Variants in ARFIP1 observed in about 807,000 individuals in gnomAD.
ARFIP1 encodes the protein ARF interacting protein 1, also known as arfaptin-1.
A neutral mutation model predicts 42.5 loss-of-function variants in ARFIP1; 24 were observed. The ratio of observed to expected loss-of-function variants is 0.57; its 90% CI spans 0.41 to 0.80. The LOEUF is 0.80. Among genes scored for constraint, ARFIP1 ranks in the 30% least tolerant of loss-of-function variants. The pLI is 0.00. For missense variants in ARFIP1, 354 were observed against 434.0 expected (o/e 0.82, Z 1.64); for synonymous variants, 141 against 153.7 (o/e 0.92, Z 0.61).
intron 1 of ARFIP1, among the ~76,000 whole-genome samples, chr4:152,823,149 T>C (rs947063468): frequency 2.0e-5 from 3 of 152,130 alleles, no homozygotes; most frequent in Non-Finnish European, 2.9e-5. Flanking sequence ...AACTACTCGC[T>C]AGATGAACCA....
At chr4:152,843,951 A>C (rs182486176) in intron 2 of ARFIP1, among the ~76,000 whole-genome samples, 24 of 152,240 alleles carry the variant, frequency 1.6e-4, no homozygotes, top group Admixed American at 3.3e-4. Flanking sequence ...ACCACCGTTC[A>C]AATTGTTACA....
chr4:152,843,845 T>C (rs1578915650), intron 2 of ARFIP1, among the ~76,000 whole-genome samples: 1 of 152,280 alleles, frequency 6.6e-6, no homozygotes, highest in Middle Eastern at 3.4e-3. Flanking sequence ...CTACCCACCT[T>C]CCAGCTGCGA....
chr4:152,854,762 A>C (rs1733287719), intron 2 of ARFIP1, among the ~76,000 whole-genome samples: 1 of 152,192 alleles, frequency 6.6e-6, no homozygotes, highest in African/African-American at 2.4e-5. Flanking sequence ...CAGTGGATTA[A>C]GTGTACAGTT....
chr4:152,782,265 C>T (rs1164286448), intron 1 of ARFIP1, among the ~76,000 whole-genome samples: 1 of 147,774 alleles, frequency 6.8e-6, no homozygotes, highest in African/African-American at 2.6e-5. Flanking sequence ...TGTGTTTTCC[C>T]AAACTGTAAA....
At chr4:152,858,036 A>G (rs1390629993) in intron 2 of ARFIP1, among the ~76,000 whole-genome samples, 2 of 152,220 alleles carry the variant, frequency 1.3e-5, no homozygotes, top group Admixed American at 1.3e-4. Context: ...TCACACCTGC[A>G]ATTCCGCCAC....
Position 152,844,690 on chromosome 4 carries a change from G to A in ARFIP1, c.93+14964G>A, listed in dbSNP as rs72968467. 9.1e-3 allele frequency among the ~76,000 whole-genome samples: 1,389 copies of A among 151,812 alleles called. 15 individuals are homozygous for A. Among genetic ancestry groups the A allele is most frequent in the African/African-American group, 0.03 (1,244 of 41,392 alleles). On this transcript the variant is annotated intron_variant, in intron 2 of 8. Transcript: ENST00000353617. Reference sequence around the variant, plus strand: ...TTAATTATTTCTGTTTGTACCTGCTGTTATTAAAAATAAACACATCAGATG... The same window carrying A: ...TTAATTATTTCTGTTTGTACCTGCTATTATTAAAAATAAACACATCAGATG...
At chr4:152,799,705 A>AT (rs764556917) in intron 1 of ARFIP1, among the ~76,000 whole-genome samples, 1 of 152,110 alleles carries the variant, frequency 6.6e-6, no homozygotes, top group South Asian at 2.1e-4. Flanking sequence ...CATGGATTTG[A>AT]TTTTTTAAGA....
chr4:152,849,236 G>C (rs540373563), intron 2 of ARFIP1, among the ~76,000 whole-genome samples: 1 of 151,706 alleles, frequency 6.6e-6, no homozygotes, highest in East Asian at 1.9e-4. Flanking sequence ...TAATCTGAGA[G>C]TGTGCCCTTA....
chr4:152,820,865 C>T (rs1392746079), intron 1 of ARFIP1, among the ~76,000 whole-genome samples: 2 of 152,144 alleles, frequency 1.3e-5, no homozygotes, highest in African/African-American at 4.8e-5. Context: ...CTCTACATAA[C>T]CAAGGAACTC....
intron 8 of ARFIP1, among the ~76,000 whole-genome samples, chr4:152,906,773 AC>A (rs1359972762): frequency 6.6e-6 from 1 of 152,204 alleles, no homozygotes; most frequent in East Asian, 1.9e-4. Context: ...TACCTGTCTT[AC>A]CGCATATACC....
intron 2 of ARFIP1, among the ~76,000 whole-genome samples, chr4:152,836,547 C>A (rs1183645425): frequency 6.6e-6 from 1 of 152,016 alleles, no homozygotes; most frequent in Admixed American, 6.6e-5. Context: ...TTTGGTCTGA[C>A]CTTGAAGCAA....
At chr4:152,816,099 A>T (rs937282055) in intron 1 of ARFIP1, among the ~76,000 whole-genome samples, 1 of 152,026 alleles carries the variant, frequency 6.6e-6, no homozygotes, top group Non-Finnish European at 1.5e-5. Context: ...AGCTACTATC[A>T]TCTCTTGCCT....
intron 2 of ARFIP1, among the ~76,000 whole-genome samples, chr4:152,848,413 A>G (rs1417077777): frequency 6.6e-6 from 1 of 152,168 alleles, no homozygotes; most frequent in Non-Finnish European, 1.5e-5. Context: ...AGATATTGTA[A>G]TCTTATATTT....
chr4:152,842,077 G>A (rs558644772), intron 2 of ARFIP1, among the ~76,000 whole-genome samples: 15 of 152,260 alleles, frequency 9.9e-5, no homozygotes, highest in African/African-American at 2.9e-4. Flanking sequence ...AGGTGACCGC[G>A]TCTACCTTTA....
chr4:152,907,583 T>G (rs1738473658), intron 8 of ARFIP1, among the ~76,000 whole-genome samples: 2 of 152,212 alleles, frequency 1.3e-5, no homozygotes, highest in South Asian at 4.1e-4. Context: ...CACATATGAA[T>G]ATATCATTCA....
At chr4:152,878,457 C>T (rs1433990879) in intron 5 of ARFIP1, among the ~76,000 whole-genome samples, 1 of 152,140 alleles carries the variant, frequency 6.6e-6, no homozygotes, top group Non-Finnish European at 1.5e-5. Flanking sequence ...AAATTGGTGG[C>T]AACTTTATAT....
At position 152,888,256 on chromosome 4, in the gene ARFIP1, T is replaced by C. The variant is rs546424412; in HGVS notation, c.915T>C (p.Asp305=). 18 of 1,610,170 alleles carry C rather than the reference T, an allele frequency of 1.1e-5. No individual in the cohort carries two copies. The highest frequency in any genetic ancestry group is 1.4e-5 in the Non-Finnish European group (17 of 1,178,332). The change falls in exon 8 of 9, where the codon GAT becomes GAC. Residue 305 remains aspartate, a synonymous_variant. Transcript: ENST00000353617. ...TCCAAGCACATAAGGAAAAATATGA[T>C]AAAATGCGCAATGATGTTTCTGTCA... The part of the protein sequence containing the change: ...HLFQAHKEKY[D]KMRNDVSVKL...
rs540648198 is a variant in ARFIP1, at chr4:152,858,144, TA to T, written c.94-5461del. 1.5e-3 allele frequency among the ~76,000 whole-genome samples: 229 copies of T among 152,090 alleles called. 1 individual carries two copies. Among genetic ancestry groups the T allele is most frequent in the African/African-American group, 5.3e-3 (220 of 41,476 alleles). ...CCATCTCTACTAAAAATACAAAAAT[TA>T]GCTGGGCGTGGTGGTGCATGTCTGT... is the stretch of plus-strand genomic sequence containing the variant. On this transcript the variant is annotated intron_variant, in intron 2 of 8. Transcript: ENST00000353617.
At chr4:152,897,722 A>T (rs1394102941) in intron 8 of ARFIP1, among the ~76,000 whole-genome samples, 1 of 152,196 alleles carries the variant, frequency 6.6e-6, no homozygotes, top group African/African-American at 2.4e-5. Flanking sequence ...CTTGGGTATT[A>T]TCCAACTTGA....
Sources: allele counts gnomAD v4.1 joint callset (sites outside exome capture counted in the v4.1 genomes callset), GRCh38; gene constraint gnomAD v4.1.1; transcripts MANE v1.5; gene names NCBI Gene and HGNC (gene_info 2026-07-23, HGNC 2026-07-21).